Variants in CRY1 observed in about 807,000 individuals in gnomAD.
CRY1 encodes the protein cryptochrome circadian regulator 1.
CRY1 carries 45 observed loss-of-function variants against 76.0 expected under a neutral mutation model. The observed-to-expected ratio is 0.59, with a 90% CI of 0.47 to 0.76. The LOEUF is 0.76. Among genes scored for constraint, CRY1 ranks in the 30% least tolerant of loss-of-function variants. The pLI, the probability that CRY1 is intolerant of heterozygous loss-of-function variation, is 0.00. For synonymous variants in CRY1, 248 were observed against 244.0 expected (o/e 1.02, Z -0.15); for missense variants, 587 against 716.4 (o/e 0.82, Z 2.06).
chr12:107,074,939 G>A (rs889122637), intron 1 of CRY1, among the ~76,000 whole-genome samples: 5 of 151,964 alleles, frequency 3.3e-5, no homozygotes, highest in East Asian at 1.9e-4. Context: ...CGCTTGAACC[G>A]AGGAGGTGGA....
intron 1 of CRY1, among the ~76,000 whole-genome samples, chr12:107,060,847 G>A (rs559915753): frequency 5.3e-5 from 8 of 152,126 alleles, no homozygotes; most frequent in Non-Finnish European, 7.4e-5. Flanking sequence ...GTGTGGTGGC[G>A]GGCACCTGTA....
At chr12:107,030,060 T>C (rs931649929) in intron 1 of CRY1, among the ~76,000 whole-genome samples, 6 of 152,164 alleles carry the variant, frequency 3.9e-5, no homozygotes, top group Admixed American at 2.0e-4. Flanking sequence ...AGCCTGCAAC[T>C]AGGCCTTGTT....
chr12:107,066,143 C>T (rs1953107391), intron 1 of CRY1, among the ~76,000 whole-genome samples: 1 of 152,178 alleles, frequency 6.6e-6, no homozygotes, highest in African/African-American at 2.4e-5. Context: ...GTGCATCTCT[C>T]CTTTGATTAG....
chr12:107,019,352 G>A (rs1261741297), intron 2 of CRY1, among the ~76,000 whole-genome samples: 3 of 151,850 alleles, frequency 2.0e-5, no homozygotes, highest in African/African-American at 4.8e-5. Flanking sequence ...TTTTATAAAT[G>A]GAATTTTATA....
At chr12:107,008,399 T>C (rs992151998) in intron 2 of CRY1, among the ~76,000 whole-genome samples, 2 of 152,204 alleles carry the variant, frequency 1.3e-5, no homozygotes, top group South Asian at 2.1e-4. Context: ...CTGGAGCTTA[T>C]TGAGAAAGAG....
chr12:107,092,488 T>C (rs561015599), intron 1 of CRY1, among the ~76,000 whole-genome samples: 73 of 152,296 alleles, frequency 4.8e-4, no homozygotes, highest in African/African-American at 1.7e-3. Flanking sequence ...CCATATACAA[T>C]GGCCACTAAG....
rs1332230619 is a variant in CRY1 at position 107,084,278 on chromosome 12, G to A, written c.158+8526C>T. On this transcript the variant is annotated intron_variant, in intron 1 of 12. Coordinates refer to ENST00000008527, the MANE Select transcript of CRY1 (RefSeq NM_004075.5). ...GCCCAAAGTAATTAATAGATTCAAT[G>A]CTATTCCCATCAAGTTACCATTGAC... Among the ~76,000 whole-genome samples, 6 of 152,126 alleles carry A rather than the reference G, an allele frequency of 3.9e-5. No individual in the cohort carries two copies. The South Asian group carries it at 1.0e-3, about 26-fold the overall frequency.
At chr12:107,049,470 G>A (rs1952891457) in intron 1 of CRY1, among the ~76,000 whole-genome samples, 1 of 152,032 alleles carries the variant, frequency 6.6e-6, no homozygotes, top group South Asian at 2.1e-4. Flanking sequence ...CGCCTCCTGG[G>A]GTCAAGTGAT....
intron 1 of CRY1, among the ~76,000 whole-genome samples, chr12:107,045,782 G>T (rs1952841926): frequency 6.6e-6 from 1 of 152,044 alleles, no homozygotes; most frequent in Non-Finnish European, 1.5e-5. Flanking sequence ...ACACAGGAAG[G>T]GGGACATCAC....
At chr12:106,996,069 C>A (rs2136817999) in intron 10 of CRY1, among the ~76,000 whole-genome samples, 1 of 152,316 alleles carries the variant, frequency 6.6e-6, no homozygotes, top group Admixed American at 6.5e-5. Context: ...TGGTCTCAAA[C>A]TCCCAACCTC....
chr12:107,015,904 T>G (rs1952493276), intron 2 of CRY1, among the ~76,000 whole-genome samples: 2 of 152,214 alleles, frequency 1.3e-5, no homozygotes, highest in Admixed American at 6.5e-5. Flanking sequence ...CAGGCTGGTC[T>G]CAAACTCCTG....
intron 1 of CRY1, among the ~76,000 whole-genome samples, chr12:107,032,096 G>A (rs1324060171): frequency 3.3e-5 from 5 of 152,038 alleles, no homozygotes; most frequent in Admixed American, 6.5e-5. Flanking sequence ...CACCACGCCC[G>A]GCTAATTTTG....
At chr12:107,054,321 G>C (rs1337089109) in intron 1 of CRY1, among the ~76,000 whole-genome samples, 2 of 151,646 alleles carry the variant, frequency 1.3e-5, no homozygotes, top group African/African-American at 4.8e-5. Context: ...GTAATTTCTA[G>C]AGTAAACACT....
intron 1 of CRY1, among the ~76,000 whole-genome samples, chr12:107,042,652 AAGAC>A (rs1952811047): frequency 6.6e-6 from 1 of 152,244 alleles, no homozygotes; most frequent in South Asian, 2.1e-4. Flanking sequence ...CGCCATCACA[AAGAC>A]AGACAGAACA....
intron 1 of CRY1, among the ~76,000 whole-genome samples, chr12:107,091,077 T>C (rs983723332): frequency 5.3e-5 from 8 of 151,920 alleles, no homozygotes; most frequent in African/African-American, 1.9e-4. Flanking sequence ...GAGTACTCTG[T>C]CACTCAGGCT....
intron 1 of CRY1, among the ~76,000 whole-genome samples, chr12:107,063,189 G>C (rs1953068467): frequency 6.6e-6 from 1 of 152,126 alleles, no homozygotes; most frequent in Admixed American, 6.6e-5. Flanking sequence ...TACACAAATG[G>C]AACAGACTTA....
rs1952248334 is a variant in CRY1 at position 106,997,641 on chromosome 12, G to T, written c.1339C>A (p.Pro447Thr). ...RGFPAKYIYD[P>T]WNAPEGIQKV... Reference sequence around the variant, plus strand: ...TGGATACCTTCTGGTGCATTCCAGGGATCATAGATATATTTTGCAGGGAAG... The same window carrying T: ...TGGATACCTTCTGGTGCATTCCAGGTATCATAGATATATTTTGCAGGGAAG... Residue 447 changes from proline (P) to threonine (T), a missense_variant, in exon 9 of 13, where the codon CCC (proline) becomes ACC (threonine). Pro to Thr is a conservative substitution (Grantham distance 38, BLOSUM62 -1). Coordinates refer to ENST00000008527, the MANE Select transcript of CRY1 (RefSeq NM_004075.5). The T allele has an allele frequency of 6.2e-7, 1 of 1,613,950 alleles. No homozygotes were observed. Among genetic ancestry groups the T allele is most frequent in the South Asian group, 1.1e-5 (1 of 91,078 alleles).
chr12:107,013,362 T>C (rs896904566), intron 2 of CRY1, among the ~76,000 whole-genome samples: 1 of 152,186 alleles, frequency 6.6e-6, no homozygotes, highest in Admixed American at 6.5e-5. Flanking sequence ...TCACTAGCAT[T>C]TTTTTAGCAA....
At position 107,028,552 on chromosome 12, in the gene CRY1, A is replaced by T. The variant is rs903378419; in HGVS notation, c.159-6360T>A. Among the ~76,000 whole-genome samples the T allele has an allele frequency of 2.0e-5, 3 of 152,288 alleles. No individual in the cohort carries two copies. The East Asian group carries it at 5.8e-4, about 29-fold the overall frequency. ...CCTAGATAATATAACATTTCCATACACACAATTTTAAAGCATTAATATCAT... is the reference window on the plus strand; with the variant it reads ...CCTAGATAATATAACATTTCCATACTCACAATTTTAAAGCATTAATATCAT... On this transcript the variant is annotated intron_variant, in intron 1 of 12. Transcript: ENST00000008527.
Sources: gnomAD v4.1 joint callset for allele counts (sites outside exome capture counted in the v4.1 genomes callset) on GRCh38, gnomAD v4.1.1 for gene constraint, MANE v1.5 for transcripts, NCBI Gene and HGNC (gene_info 2026-07-23, HGNC 2026-07-21) for gene names.